Variants in CLDN16 observed in about 807,000 individuals in gnomAD.
The protein encoded by CLDN16 is claudin-16.
Under a neutral mutation model 24.6 loss-of-function variants are expected in CLDN16, and 13 were observed. The ratio of observed to expected loss-of-function variants is 0.53; its 90% CI spans 0.34 to 0.84. CLDN16 has a LOEUF of 0.84. Ranked by LOEUF, CLDN16 falls within the 40% of genes least tolerant of loss-of-function variation. The pLI is 0.01. For synonymous variants in CLDN16, 116 were observed against 106.7 expected, an observed-to-expected ratio of 1.09 and a Z score of -0.54; for missense variants, 298 against 292.7, an observed-to-expected ratio of 1.02 and a Z score of -0.13.
chr3:190,397,748 T>G (rs542716962), intron 1 of CLDN16, among the ~76,000 whole-genome samples: 1 of 152,240 alleles, frequency 6.6e-6, no homozygotes, highest in Non-Finnish European at 1.5e-5. Context: ...CATCTAATAG[T>G]GTGCCCCTGA....
chr3:190,296,916 C>T, the CLDN16 span, among the ~76,000 whole-genome samples: 87,766 of 151,830 alleles, frequency 0.58, 26,037 homozygotes, highest in African/African-American at 0.71. Flanking sequence ...AAGATAATTA[C>T]CTAACATGTC....
chr3:190,370,085 T>C (rs945642918), intron 1 of CLDN16, among the ~76,000 whole-genome samples: 1 of 151,962 alleles, frequency 6.6e-6, no homozygotes, highest in Non-Finnish European at 1.5e-5. Flanking sequence ...GAGCACTAAA[T>C]GGGCCATTAG....
chr3:190,408,316 AC>A lies in CLDN16; in HGVS notation c.389del (p.Pro130GlnfsTer74), dbSNP rs1258535403. On this transcript the variant is annotated frameshift_variant, in exon 4 of 5. Transcript: ENST00000264734. LOFTEE classifies it high-confidence loss of function. ...GTAGCATCCTCCCTTTCTTTCAGGT[AC>A]CCCAGGAATCATTGGCTCTGTGTGG... ...VAGATLLIAG[T>X]PGIIGSVWYA... The A allele has an allele frequency of 6.2e-7, 1 of 1,613,852 alleles. No homozygotes were observed. Among genetic ancestry groups the A allele is most frequent in the South Asian group, 1.1e-5 (1 of 91,060 alleles).
At chr3:190,374,079 A>T (rs1196045607) in intron 2 of CLDN16, among the ~76,000 whole-genome samples, 1 of 151,932 alleles carries the variant, frequency 6.6e-6, no homozygotes, top group Non-Finnish European at 1.5e-5. Flanking sequence ...TTAAGCAGCA[A>T]AATTTTAGCT....
chr3:190,316,106 C>T, the CLDN16 span, among the ~76,000 whole-genome samples: 61 of 152,238 alleles, frequency 4.0e-4, no homozygotes, highest in African/African-American at 1.4e-3. Flanking sequence ...TGCTAAGAAA[C>T]CTATCAGGTT....
chr3:190,387,355 T>C (rs1371813922), upstream of CLDN16, among the ~76,000 whole-genome samples: 1 of 107,506 alleles, frequency 9.3e-6, no homozygotes, highest in Non-Finnish European at 1.8e-5. Flanking sequence ...TTCTTCCTAA[T>C]ATAACAGTTT....
In CLDN16 at chr3:190,410,195, T is replaced by G. The variant is rs1282323481; in HGVS notation, c.*159T>G. On this transcript the variant is annotated 3_prime_UTR_variant, in exon 5 of 5. Transcript: ENST00000264734. ...TGTTTGATTCTCCTATACTTTTTCT[T>G]TCTATTACTCTTATATTTTCCCGTC... The G allele has an allele frequency of 9.7e-6, 8 of 822,850 alleles. No homozygotes were observed. Among genetic ancestry groups the G allele is most frequent in the Non-Finnish European group, 1.6e-5 (8 of 502,682 alleles). The allele number at this position is 822,850 out of a possible 1,614,324, so 51.0% of individuals were successfully genotyped here.
At chr3:190,395,581 C>T (rs1560095962) in intron 1 of CLDN16, among the ~76,000 whole-genome samples, 1 of 151,924 alleles carries the variant, frequency 6.6e-6, no homozygotes, top group Non-Finnish European at 1.5e-5. Context: ...ATTATTAAAA[C>T]TTTTGCGTCT....
the CLDN16 span, among the ~76,000 whole-genome samples, chr3:190,300,241 CT>C: frequency 6.6e-6 from 1 of 152,148 alleles, no homozygotes; most frequent in Non-Finnish European, 1.5e-5. Context: ...TAAAGCCACA[CT>C]TTTAACAGCT....
At chr3:190,400,420 A>G (rs1392550573) in intron 1 of CLDN16, among the ~76,000 whole-genome samples, 4 of 151,926 alleles carry the variant, frequency 2.6e-5, no homozygotes, top group Non-Finnish European at 5.9e-5. Context: ...TTTAGTAGAG[A>G]CGGGGTTTCA....
the CLDN16 span, among the ~76,000 whole-genome samples, chr3:190,316,306 A>G: frequency 6.6e-6 from 1 of 152,240 alleles, no homozygotes; most frequent in Non-Finnish European, 1.5e-5. Context: ...ATTTATTTGT[A>G]TGTTCCAATA....
chr3:190,369,797 A>C (rs1305841443), intron 1 of CLDN16, among the ~76,000 whole-genome samples: 1 of 151,968 alleles, frequency 6.6e-6, no homozygotes, highest in African/African-American at 2.4e-5. Flanking sequence ...CATAAACAAA[A>C]TCTTACGAAA....
intron 1 of CLDN16, among the ~76,000 whole-genome samples, chr3:190,391,589 G>A (rs1422691785): frequency 6.6e-6 from 1 of 152,154 alleles, no homozygotes; most frequent in East Asian, 1.9e-4. Context: ...ATTTCAAATT[G>A]TAGAAATGGC....
At chr3:190,375,698 G>A (rs1296098252) in intron 3 of CLDN16, among the ~76,000 whole-genome samples, 1 of 151,816 alleles carries the variant, frequency 6.6e-6, no homozygotes, top group African/African-American at 2.4e-5. Context: ...TTTCCTTTGA[G>A]TCTCCCCTCT....
At position 190,410,110 on chromosome 3, in the gene CLDN16, A is replaced by G. The variant is rs886058245; in HGVS notation, c.*74A>G. ...GTTACATTGATAAAATAGTAAGTCA[A>G]TCCAGGAACAGTTATTTAGAATTCA... On this transcript the variant is annotated 3_prime_UTR_variant, in exon 5 of 5. Transcript: ENST00000264734. The G allele has an allele frequency of 1.7e-5, 26 of 1,487,582 alleles. No homozygotes were observed. In the Admixed American group the frequency reaches 2.0e-4, roughly 11 times the overall value. The allele number at this position is 1,487,582 out of a possible 1,614,324, so 92.1% of individuals were successfully genotyped here.
chr3:190,331,039 G>A (rs1717170711), intron 1 of CLDN16, among the ~76,000 whole-genome samples: 1 of 152,196 alleles, frequency 6.6e-6, no homozygotes, highest in Admixed American at 6.5e-5. Flanking sequence ...AAAGAGGACA[G>A]AGTGCAACAT....
At chr3:190,342,906 A>G (rs111346519) in intron 1 of CLDN16, among the ~76,000 whole-genome samples, 2,244 of 152,312 alleles carry the variant, frequency 0.015, 60 homozygotes, top group African/African-American at 0.049. Flanking sequence ...CTTGGCAATG[A>G]TTTCTTGAAT....
intron 1 of CLDN16, among the ~76,000 whole-genome samples, chr3:190,346,685 T>G (rs942043223): frequency 1.3e-5 from 2 of 152,130 alleles, no homozygotes; most frequent in Non-Finnish European, 2.9e-5. Context: ...GTCATAGGCT[T>G]TGTCTGAAGG....
At chr3:190,361,579 T>C (rs1717888318) in intron 1 of CLDN16, among the ~76,000 whole-genome samples, 1 of 151,996 alleles carries the variant, frequency 6.6e-6, no homozygotes, top group Non-Finnish European at 1.5e-5. Context: ...TGCCTCTGGC[T>C]GCAAAAGTCT....
Sources: allele counts gnomAD v4.1 joint callset (sites outside exome capture counted in the v4.1 genomes callset), GRCh38; gene constraint gnomAD v4.1.1; transcripts MANE v1.5; gene names NCBI Gene and HGNC (gene_info 2026-07-23, HGNC 2026-07-21).